The following STARD13 variants were observed in gnomAD, a reference collection of about 807,000 sequenced individuals.
STARD13 encodes the protein stAR-related lipid transfer protein 13.
Under a neutral mutation model 106.4 loss-of-function variants are expected in STARD13, and 62 were observed. The observed-to-expected ratio is 0.58, with a 90% CI of 0.48 to 0.72. The LOEUF is 0.72. Among genes scored for constraint, STARD13 ranks in the 30% least tolerant of loss-of-function variants. The probability of loss-of-function intolerance (pLI) is 0.00; values close to 1 mark genes in which losing one functional copy is unlikely to be tolerated. For synonymous variants in STARD13, 565 were observed against 553.0 expected (o/e 1.02, Z -0.31); for missense variants, 1,387 against 1,424.0 (o/e 0.97, Z 0.42).
the STARD13 span, among the ~76,000 whole-genome samples, chr13:33,407,590 T>G: frequency 2.6e-5 from 4 of 152,136 alleles, no homozygotes; most frequent in Admixed American, 2.0e-4. Context: ...AAATTATGGG[T>G]TTTTTTGTCA....
chr13:33,617,845 G>A, the STARD13 span, among the ~76,000 whole-genome samples: 4 of 152,168 alleles, frequency 2.6e-5, no homozygotes, highest in African/African-American at 9.7e-5. Context: ...ATAAGACGAT[G>A]CATATGTAAA....
chr13:33,225,487 A>G (rs1888577033), intron 1 of STARD13, among the ~76,000 whole-genome samples: 1 of 152,220 alleles, frequency 6.6e-6, no homozygotes, highest in African/African-American at 2.4e-5. Context: ...AGAGTAAATA[A>G]ACCTAGTTGT....
At chr13:33,590,217 G>A in the STARD13 span, among the ~76,000 whole-genome samples, 1 of 152,178 alleles carries the variant, frequency 6.6e-6, no homozygotes, top group African/African-American at 2.4e-5. Flanking sequence ...TGGAGAGGAT[G>A]TGGAGAAATA....
the STARD13 span, among the ~76,000 whole-genome samples, chr13:33,657,992 G>T: frequency 2.0e-5 from 3 of 152,076 alleles, no homozygotes; most frequent in Non-Finnish European, 4.4e-5. Context: ...GCATTGTTGT[G>T]CAACCATCAC....
At chr13:33,630,529 C>A in the STARD13 span, among the ~76,000 whole-genome samples, 1 of 152,188 alleles carries the variant, frequency 6.6e-6, no homozygotes, top group African/African-American at 2.4e-5. Flanking sequence ...AACGTAGTCA[C>A]TCTGCAAGAT....
chr13:33,533,534 AG>A, the STARD13 span, among the ~76,000 whole-genome samples: 1 of 152,238 alleles, frequency 6.6e-6, no homozygotes, highest in Non-Finnish European at 1.5e-5. Flanking sequence ...ACATATTTGA[AG>A]GAACAACAGA....
the STARD13 span, among the ~76,000 whole-genome samples, chr13:33,591,388 T>C: frequency 6.6e-6 from 1 of 152,264 alleles, no homozygotes; most frequent in African/African-American, 2.4e-5. Context: ...ATGTGTTATA[T>C]GCATATATCA....
At chr13:33,109,560 A>C (rs572220239) in intron 12 of STARD13, among the ~76,000 whole-genome samples, 1 of 152,368 alleles carries the variant, frequency 6.6e-6, no homozygotes, top group African/African-American at 2.4e-5. Context: ...CAGAAAGTGC[A>C]ACCGGACAAA....
At chr13:33,466,807 A>G in the STARD13 span, among the ~76,000 whole-genome samples, 1 of 152,244 alleles carries the variant, frequency 6.6e-6, no homozygotes, top group Non-Finnish European at 1.5e-5. Context: ...TTCCAAGCAC[A>G]AAAAGCAACA....
At chr13:33,607,111 T>G in the STARD13 span, among the ~76,000 whole-genome samples, 2 of 151,870 alleles carry the variant, frequency 1.3e-5, no homozygotes, top group South Asian at 4.1e-4. Context: ...TTTTTTTTTT[T>G]GCCTACCGCA....
the STARD13 span, chr13:33,661,305 G>C: frequency 6.6e-6 from 1 of 152,242 alleles, no homozygotes; most frequent in African/African-American, 2.4e-5. Context: ...TTTGGAAGCA[G>C]AAGCAGACTT....
the STARD13 span, among the ~76,000 whole-genome samples, chr13:33,360,354 G>GC: frequency 6.6e-6 from 1 of 151,928 alleles, no homozygotes; most frequent in Non-Finnish European, 1.5e-5. Flanking sequence ...ATAGGCGCGT[G>GC]CCACCACTCC....
chr13:33,470,338 G>A, the STARD13 span, among the ~76,000 whole-genome samples: 14 of 152,144 alleles, frequency 9.2e-5, no homozygotes, highest in Non-Finnish European at 2.1e-4. Flanking sequence ...GGGCATTTGG[G>A]TTGGTTCCAA....
intron 1 of STARD13, among the ~76,000 whole-genome samples, chr13:33,196,404 CAAATA>C (rs1886622193): frequency 6.6e-6 from 1 of 152,230 alleles, no homozygotes; most frequent in African/African-American, 2.4e-5. Flanking sequence ...ATAATAAATA[CAAATA>C]AAATAAATAT....
At chr13:33,384,578 G>C in the STARD13 span, among the ~76,000 whole-genome samples, 2 of 152,184 alleles carry the variant, frequency 1.3e-5, no homozygotes, top group African/African-American at 4.8e-5. Context: ...AAGTAGAGTA[G>C]TACAACAGTG....
At chr13:33,487,069 T>A in the STARD13 span, among the ~76,000 whole-genome samples, 7 of 152,196 alleles carry the variant, frequency 4.6e-5, no homozygotes, top group Non-Finnish European at 8.8e-5. Flanking sequence ...GTTTGAGCAC[T>A]CCCAAGCTCT....
At chr13:33,308,565 C>G (rs1893013292) in intron 1 of STARD13, among the ~76,000 whole-genome samples, 1 of 135,552 alleles carries the variant, frequency 7.4e-6, no homozygotes, top group African/African-American at 2.7e-5. Context: ...CTCTTATCGC[C>G]CAGGCTGGAG....
chr13:33,323,042 C>A (rs7320013), intron 1 of STARD13, among the ~76,000 whole-genome samples: 149,171 of 152,314 alleles, frequency 0.98, 73,115 homozygotes, highest in East Asian at 1. Flanking sequence ...TTGAAATCTC[C>A]ATATTTTTTC....
chr13:33,280,438 T>C (rs1944824060), intron 1 of STARD13: 1 of 152,096 alleles, frequency 6.6e-6, no homozygotes, highest in Non-Finnish European at 1.5e-5. Flanking sequence ...CTTTCTACAT[T>C]CCACATTTTC....
Sources: allele counts gnomAD v4.1 joint callset (sites outside exome capture counted in the v4.1 genomes callset), GRCh38; gene constraint gnomAD v4.1.1; transcripts MANE v1.5; gene names NCBI Gene and HGNC (gene_info 2026-07-23, HGNC 2026-07-21).